Variants in LDB2 observed in about 807,000 individuals in gnomAD.
LDB2 encodes LIM domain binding 2.
In LDB2, 12 loss-of-function variants were observed where a neutral mutation model predicts 44.3. That is an observed-to-expected ratio of 0.27 (90% CI 0.17 to 0.44). The LOEUF is 0.44. LDB2 is among the 20% of genes least tolerant of loss of function. The pLI is 1.00. For synonymous variants in LDB2, 164 were observed against 174.8 expected, an observed-to-expected ratio of 0.94 and a Z score of 0.49; for missense variants, 344 against 473.5, an observed-to-expected ratio of 0.73 and a Z score of 2.54.
chr4:16,588,936 A>G (rs879847447), intron 3 of LDB2, 104 bp from the exon 4 acceptor site: 2 of 1,205,586 alleles, frequency 1.7e-6, no homozygotes, highest in Admixed American at 1.9e-5. Flanking sequence ...GTCCTTGGGC[A>G]GTGCTAGCTC....
intron 1 of LDB2, among the ~76,000 whole-genome samples, chr4:16,824,388 G>A (rs1442432956): frequency 6.6e-6 from 1 of 152,200 alleles, no homozygotes; most frequent in South Asian, 2.1e-4. Flanking sequence ...GTTGGGATGA[G>A]TACATGAGAT....
At chr4:16,564,525 C>T (rs1485911941) in intron 5 of LDB2, among the ~76,000 whole-genome samples, 2 of 152,224 alleles carry the variant, frequency 1.3e-5, no homozygotes. Context: ...GCATCATTGT[C>T]ACCCCCATCT....
At chr4:16,834,558 G>A (rs1784582274) in intron 1 of LDB2, among the ~76,000 whole-genome samples, 1 of 152,174 alleles carries the variant, frequency 6.6e-6, no homozygotes, top group Non-Finnish European at 1.5e-5. Context: ...GCCAGGCACG[G>A]TGGCTCAAGC....
At chr4:16,583,254 C>T (rs749088005) in intron 5 of LDB2, among the ~76,000 whole-genome samples, 13 of 152,216 alleles carry the variant, frequency 8.5e-5, no homozygotes, top group Admixed American at 2.6e-4. Context: ...TTAGACACTG[C>T]ATATTGAAAT....
At chr4:16,614,028 C>G (rs1443611267) in intron 2 of LDB2, among the ~76,000 whole-genome samples, 2 of 152,176 alleles carry the variant, frequency 1.3e-5, no homozygotes, top group Admixed American at 1.3e-4. Flanking sequence ...TACTACAAGG[C>G]TACAGTAACC....
chr4:16,668,246 A>G (rs1743833291), intron 2 of LDB2, among the ~76,000 whole-genome samples: 1 of 152,096 alleles, frequency 6.6e-6, no homozygotes. Context: ...CACTTTGGCA[A>G]AGTGTTGGTT....
At chr4:16,775,257 T>C (rs576473186) in intron 1 of LDB2, among the ~76,000 whole-genome samples, 8 of 152,186 alleles carry the variant, frequency 5.3e-5, no homozygotes, top group Non-Finnish European at 1.0e-4. Context: ...AGGACACAGT[T>C]ATTAAGTGGC....
At chr4:16,737,290 G>A (rs530269374) in intron 2 of LDB2, among the ~76,000 whole-genome samples, 243 of 152,224 alleles carry the variant, frequency 1.6e-3, no homozygotes, top group Non-Finnish European at 2.8e-3. Flanking sequence ...GTGCCGTGGT[G>A]TGATCATAGC....
In LDB2 at chr4:16,645,695, C is replaced by T. The variant is rs188915379; in HGVS notation, c.236-49820G>A. Among the ~76,000 whole-genome samples, 458 of 152,218 alleles carry T rather than the reference C, an allele frequency of 3.0e-3. 2 individuals carry two copies. Among genetic ancestry groups the T allele is most frequent in the African/African-American group, 0.011 (441 of 41,540 alleles). On this transcript the variant is annotated intron_variant, in intron 2 of 7. Transcript: ENST00000304523. ...AGGTTAAGATAGGTATATTCAGAAT[C>T]AACAGAAGCAGGGATCTTTTTCTAT...
chr4:16,814,981 T>C (rs1375696409), intron 1 of LDB2, among the ~76,000 whole-genome samples: 2 of 152,240 alleles, frequency 1.3e-5, no homozygotes, highest in Non-Finnish European at 2.9e-5. Flanking sequence ...GCCCGATTTA[T>C]GGAGAAGAGC....
At chr4:16,548,344 C>G (rs1487691914) in intron 5 of LDB2, among the ~76,000 whole-genome samples, 2 of 152,116 alleles carry the variant, frequency 1.3e-5, no homozygotes, top group Non-Finnish European at 2.9e-5. Context: ...GCTTCTGATC[C>G]CAAATCTTTC....
At chr4:16,742,059 TTTTTC>T (rs1241388059) in intron 2 of LDB2, among the ~76,000 whole-genome samples, 17 of 144,604 alleles carry the variant, frequency 1.2e-4, no homozygotes, top group Admixed American at 4.9e-4. Context: ...TTTCTTTCTT[TTTTTC>T]TTTTCTTTTC....
chr4:16,605,884 G>C (rs1256563789), intron 2 of LDB2, among the ~76,000 whole-genome samples: 1 of 152,166 alleles, frequency 6.6e-6, no homozygotes, highest in East Asian at 1.9e-4. Flanking sequence ...AGGGGGAACT[G>C]CCACATTTGG....
intron 1 of LDB2, among the ~76,000 whole-genome samples, chr4:16,797,958 C>G (rs1777061897): frequency 6.6e-6 from 1 of 150,922 alleles, no homozygotes; most frequent in Admixed American, 6.6e-5. Context: ...TTGCTTGAAT[C>G]CAGAAGGCAG....
intron 1 of LDB2, among the ~76,000 whole-genome samples, chr4:16,816,946 A>T (rs1781049557): frequency 6.6e-6 from 1 of 152,008 alleles, no homozygotes; most frequent in African/African-American, 2.4e-5. Flanking sequence ...TCTGTATGTC[A>T]TCTGCGCCCT....
chr4:16,862,740 A>C (rs1713118680), intron 1 of LDB2, among the ~76,000 whole-genome samples: 1 of 151,188 alleles, frequency 6.6e-6, no homozygotes, highest in Non-Finnish European at 1.5e-5. Context: ...TGCAACCATC[A>C]GTAGTTTTTA....
chr4:16,837,151 C>T (rs565433784), intron 1 of LDB2, among the ~76,000 whole-genome samples: 159 of 152,318 alleles, frequency 1.0e-3, no homozygotes, highest in African/African-American at 3.5e-3. Flanking sequence ...GATCTTGAGC[C>T]ATGAGTTTTC....
intron 6 of LDB2, among the ~76,000 whole-genome samples, chr4:16,511,475 C>G (rs1438544259): frequency 6.6e-6 from 1 of 151,958 alleles, no homozygotes; most frequent in Non-Finnish European, 1.5e-5. Context: ...TTCATTTTTC[C>G]TTCATCCTTT....
chr4:16,691,961 G>C (rs188493662), intron 2 of LDB2, among the ~76,000 whole-genome samples: 23 of 152,146 alleles, frequency 1.5e-4, no homozygotes, highest in South Asian at 2.1e-4. Context: ...TGCTATTTGC[G>C]ATTACACAAA....
Sources: allele counts gnomAD v4.1 joint callset (sites outside exome capture counted in the v4.1 genomes callset), GRCh38; gene constraint gnomAD v4.1.1; transcripts MANE v1.5; gene names NCBI Gene and HGNC (gene_info 2026-07-23, HGNC 2026-07-21).